Variants in SRCIN1 observed in about 807,000 individuals in gnomAD.
SRCIN1 encodes the protein SRC kinase signaling inhibitor 1.
A neutral mutation model predicts 116.2 loss-of-function variants in SRCIN1; 50 were observed. The observed-to-expected ratio is 0.43, with a 90% CI of 0.34 to 0.54. The LOEUF (loss-of-function observed/expected upper bound fraction) is 0.54. Among genes scored for constraint, SRCIN1 ranks in the 20% least tolerant of loss-of-function variants. SRCIN1 has a pLI of 0.02. For missense variants in SRCIN1, 1,446 were observed against 1,672.0 expected (o/e 0.86, Z 2.36); for synonymous variants, 736 against 750.0 (o/e 0.98, Z 0.30).
At position 38,586,831 on chromosome 17, in the gene SRCIN1, G is replaced by A. The variant is rs538682454; in HGVS notation, c.23-8040C>T. On this transcript the variant is annotated intron_variant, in intron 1 of 18. Coordinates refer to ENST00000617146, the MANE Select transcript of SRCIN1 (RefSeq NM_025248.3). ...TGAAGGCCACTTAGTTGGTAAACGA[G>A]TCAGAATCTAATTAAAGGACCTCTT... Among the ~76,000 whole-genome samples the A allele has an allele frequency of 6.6e-5, 10 of 152,378 alleles. No individual in the cohort carries two copies. The East Asian group carries it at 1.3e-3, about 21-fold the overall frequency.
In SRCIN1 at chr17:38,602,046, A is replaced by C. The variant is rs1909072612; in HGVS notation, c.22+3638T>G. Among the ~76,000 whole-genome samples, 1 of 152,122 alleles carries C rather than the reference A, an allele frequency of 6.6e-6. No homozygotes were observed. Among genetic ancestry groups the C allele is most frequent in the African/African-American group, 2.4e-5 (1 of 41,418 alleles). The stretch of plus-strand genomic sequence containing the variant: ...GGAGGGGCGAAGACTGAGGGCATCC[A>C]GGGGAGTGCTCTGGAGCCCAGGTAT... On this transcript the variant is annotated intron_variant, in intron 1 of 18. Transcript: ENST00000617146. The surrounding 1 kb of genome is among the most constrained non-coding windows in gnomAD (Gnocchi z 4.2).
chr17:38,560,558 A>C, intron 7 of SRCIN1, 133 bp from the exon 8 acceptor site: 1 of 722,932 alleles, frequency 1.4e-6, no homozygotes. Context: ...GACAACGCAA[A>C]GGGCCCCAAT....
chr17:38,603,591 G>C (rs139705056), intron 1 of SRCIN1, among the ~76,000 whole-genome samples: 24 of 152,280 alleles, frequency 1.6e-4, no homozygotes, highest in African/African-American at 5.5e-4. Context: ...AGCCATCGTG[G>C]AAAGGGCAGA....
intron 1 of SRCIN1, among the ~76,000 whole-genome samples, chr17:38,599,882 G>A (rs1908929255): frequency 6.6e-6 from 1 of 152,176 alleles, no homozygotes; most frequent in Non-Finnish European, 1.5e-5. Context: ...CTCATCCTCT[G>A]CAAAATCCTA....
intron 1 of SRCIN1, among the ~76,000 whole-genome samples, chr17:38,594,859 A>ACCCT (rs902431395): frequency 6.6e-6 from 1 of 151,378 alleles, no homozygotes; most frequent in African/African-American, 2.4e-5. Context: ...CTGCCCATAC[A>ACCCT]CCCTCCTCCA....
intron 1 of SRCIN1, among the ~76,000 whole-genome samples, chr17:38,583,915 TC>T (rs1411398178): frequency 3.9e-5 from 6 of 151,946 alleles, no homozygotes; most frequent in African/African-American, 1.5e-4. Context: ...CAGCCTGACC[TC>T]CCTGTTACCC....
In SRCIN1 at chr17:38,560,390, C is replaced by T; in HGVS notation, c.1736G>A (p.Ser579Asn). 1 of 1,612,164 alleles carries T rather than the reference C, an allele frequency of 6.2e-7. No individual in the cohort carries two copies. The highest frequency in any genetic ancestry group is 8.5e-7 in the Non-Finnish European group (1 of 1,179,190). Residue 579 changes from serine (S) to asparagine (N), a missense_variant, in exon 8 of 19, where the codon AGC (serine) becomes AAC (asparagine). Ser to Asn is a conservative substitution (Grantham distance 46, BLOSUM62 1). Transcript: ENST00000617146. The part of the protein sequence containing the change: ...RMEAMEKQIA[S>N]LTGLVQSALL... Reference sequence around the variant, plus strand: ...GGCGCTCTGCACCAGGCCTGTGAGGCTGGCAATCTGCTTCTCCATGGCCTC... The same window carrying T: ...GGCGCTCTGCACCAGGCCTGTGAGGTTGGCAATCTGCTTCTCCATGGCCTC...
chr17:38,586,836 A>G (rs1046049327), intron 1 of SRCIN1, among the ~76,000 whole-genome samples: 3 of 152,234 alleles, frequency 2.0e-5, no homozygotes, highest in Non-Finnish European at 4.4e-5. Flanking sequence ...AACGAGTCAG[A>G]ATCTAATTAA....
At chr17:38,600,512 T>G (rs1597941524) in intron 1 of SRCIN1, among the ~76,000 whole-genome samples, 1 of 152,154 alleles carries the variant, frequency 6.6e-6, no homozygotes, top group Non-Finnish European at 1.5e-5. Context: ...GAGGCCCAGG[T>G]TTCAGCACAC....
chr17:38,564,006 G>T, intron 4 of SRCIN1, 112 bp downstream of exon 4: 2 of 1,250,736 alleles, frequency 1.6e-6, no homozygotes, highest in Non-Finnish European at 2.2e-6. Flanking sequence ...GTGGGAAAGA[G>T]AGCAGAGCTT....
chr17:38,568,148 G>A lies in SRCIN1; in HGVS notation c.345+63C>T. The A allele has an allele frequency of 1.3e-6, 2 of 1,593,324 alleles. No individual in the cohort carries two copies. Among genetic ancestry groups the A allele is most frequent in the Non-Finnish European group, 1.7e-6 (2 of 1,164,032 alleles). On this transcript the variant is annotated intron_variant, in intron 3 of 18. Coordinates refer to ENST00000617146, the MANE Select transcript of SRCIN1 (RefSeq NM_025248.3). This position sits in a 1 kb window ranked among gnomAD's most constrained non-coding sequence, Gnocchi z 4.5. ...CGGTGCAAAGCCTGTGCAAGGGAGA[G>A]GCAGGGGCAGGGGAGGGAGAGCACA...
At chr17:38,554,738 A>G (rs1464133014) in intron 11 of SRCIN1, among the ~76,000 whole-genome samples, 3 of 152,208 alleles carry the variant, frequency 2.0e-5, no homozygotes, top group African/African-American at 7.2e-5. Context: ...AACAAGGGAG[A>G]GAAGGAACTG....
chr17:38,533,402 C>A lies in SRCIN1; in HGVS notation c.3447G>T (p.Gly1149=), dbSNP rs200951084. The change falls in exon 19 of 19, where the codon GGG becomes GGT. Residue 1149 remains glycine (G), a synonymous_variant. Transcript: ENST00000617146. ...AGACTGGGCTCGAGGTCTCATTCGA[C>A]CCGCTCATCTCTTTAGATGGTTTAG... The part of the protein sequence containing the change: ...QATKPSKEMS[G]SNETSSPVSE... 1.0e-4 allele frequency: 165 copies of A among 1,612,938 alleles called. No individual in the cohort carries two copies. In the African/African-American group the frequency reaches 1.8e-3, roughly 18 times the overall value.
At chr17:38,550,311 G>C (rs944522282) in intron 15 of SRCIN1, among the ~76,000 whole-genome samples, 2 of 152,008 alleles carry the variant, frequency 1.3e-5, no homozygotes, top group Admixed American at 6.6e-5. Context: ...TGGCTAACAC[G>C]GTGAGACCCC....
intron 1 of SRCIN1, among the ~76,000 whole-genome samples, chr17:38,591,115 A>T (rs1299271766): frequency 2.0e-5 from 3 of 152,208 alleles, no homozygotes; most frequent in Non-Finnish European, 4.4e-5. Context: ...CCTATGCTGG[A>T]TACGAAGCCC....
chr17:38,559,832 G>T, intron 9 of SRCIN1, 60 bp from the exon 10 acceptor site: 1 of 1,462,406 alleles, frequency 6.8e-7, no homozygotes, highest in Non-Finnish European at 9.1e-7. Flanking sequence ...GAAGGACTGG[G>T]CTGGGACAAA....
chr17:38,559,493 A>T lies in SRCIN1; in HGVS notation c.2025+92T>A, dbSNP rs1597901042. 2.2e-6 allele frequency: 3 copies of T among 1,336,930 alleles called. No homozygotes were observed. The Middle Eastern group carries it at 7.9e-4, about 353-fold the overall frequency. 82.8% of individuals were successfully genotyped at this position (1,336,930 alleles called of 1,614,324 possible). On this transcript the variant is annotated intron_variant, in intron 10 of 18. Transcript: ENST00000617146. ...CGGGCGTGGAAGCTCTGGGAAAAGGATGAGGTAGTAGGGGATGGGGCGGGA... is the reference window on the plus strand; with the variant it reads ...CGGGCGTGGAAGCTCTGGGAAAAGGTTGAGGTAGTAGGGGATGGGGCGGGA...
chr17:38,593,582 A>G (rs1390513898), intron 1 of SRCIN1, among the ~76,000 whole-genome samples: 1 of 152,168 alleles, frequency 6.6e-6, no homozygotes, highest in Non-Finnish European at 1.5e-5. Flanking sequence ...AGTCAGCAGC[A>G]GTGAGCTCAC....
chr17:38,563,657 GAT>G lies in SRCIN1; in HGVS notation c.542-138_542-137del. 1 of 1,217,778 alleles carries G rather than the reference GAT, an allele frequency of 8.2e-7. No homozygotes were observed. Among genetic ancestry groups the G allele is most frequent in the Non-Finnish European group, 1.2e-6 (1 of 857,222 alleles). The allele number at this position is 1,217,778 out of a possible 1,614,324, so 75.4% of individuals were successfully genotyped here. A position where few individuals can be genotyped will look rare whatever the true frequency, so the allele number is the denominator to read the frequency against. On this transcript the variant is annotated intron_variant, in intron 4 of 18. Coordinates refer to ENST00000617146, the MANE Select transcript of SRCIN1 (RefSeq NM_025248.3). The surrounding 1 kb of genome is among the most constrained non-coding windows in gnomAD (Gnocchi z 5.8). ...AGGCTAGACGCCGCCCCCGAGTGCA[GAT>G]GCACCCAGGCACCTCTCATGCTGCC... is the stretch of plus-strand genomic sequence containing the variant.
Sources: allele counts gnomAD v4.1 joint callset (sites outside exome capture counted in the v4.1 genomes callset), GRCh38; gene constraint gnomAD v4.1.1; non-coding constraint Gnocchi (gnomAD v3.1); transcripts MANE v1.5; gene names NCBI Gene and HGNC (gene_info 2026-07-23, HGNC 2026-07-21).